Variants in CSMD2 observed in about 807,000 individuals in gnomAD.
CSMD2 encodes the protein CUB and Sushi multiple domains 2.
Under a neutral mutation model 398.5 loss-of-function variants are expected in CSMD2, and 130 were observed. The ratio of observed to expected loss-of-function variants is 0.33; its 90% CI spans 0.28 to 0.38. CSMD2 has a LOEUF of 0.38. CSMD2 is among the 10% of genes least tolerant of loss of function. CSMD2 has a pLI of 1.00. For synonymous variants in CSMD2, 1,828 were observed against 1,908.5 expected (o/e 0.96, Z 1.10); for missense variants, 3,829 against 4,764.9 (o/e 0.80, Z 5.78).
In CSMD2 at chr1:33,672,179, C is replaced by T. The variant is rs184075175; in HGVS notation, c.4053-9087G>A. On this transcript the variant is annotated intron_variant, in intron 25 of 70. Coordinates refer to ENST00000373381, the MANE Select transcript of CSMD2 (RefSeq NM_001281956.2). Reference sequence around the variant, plus strand: ...GCCGAAGCAGGGCGAGGCATCGCCTCACCTGGGAAGCACAAGGGGTCAGGA... The same window carrying T: ...GCCGAAGCAGGGCGAGGCATCGCCTTACCTGGGAAGCACAAGGGGTCAGGA... Among the ~76,000 whole-genome samples, 9 of 152,332 alleles carry T rather than the reference C, an allele frequency of 5.9e-5. No individual in the cohort carries two copies. In the East Asian group the frequency reaches 1.7e-3, roughly 29 times the overall value.
intron 6 of CSMD2, among the ~76,000 whole-genome samples, chr1:33,842,204 A>C (rs12239300): frequency 0.025 from 3,778 of 152,154 alleles, 182 homozygotes; most frequent in African/African-American, 0.086. Context: ...CTCCCACCAA[A>C]TCTAACTAGC....
intron 14 of CSMD2, among the ~76,000 whole-genome samples, chr1:33,741,649 C>T (rs1647072237): frequency 6.6e-6 from 1 of 152,184 alleles, no homozygotes; most frequent in Admixed American, 6.5e-5. Context: ...TGACCTCTCC[C>T]ATTTTTTGAG....
At chr1:33,984,465 T>C (rs962609642) in intron 3 of CSMD2, among the ~76,000 whole-genome samples, 6 of 152,188 alleles carry the variant, frequency 3.9e-5, no homozygotes, top group African/African-American at 1.2e-4. Context: ...TGTGAAGCTC[T>C]GGTTTCCAAA....
chr1:33,522,840 C>T (rs1305487459), intron 67 of CSMD2, among the ~76,000 whole-genome samples: 1 of 152,190 alleles, frequency 6.6e-6, no homozygotes, highest in Non-Finnish European at 1.5e-5. Context: ...AATGTCTTTT[C>T]CACAAGGGAA....
chr1:34,121,104 C>T (rs1002307542), intron 1 of CSMD2, among the ~76,000 whole-genome samples: 4 of 152,010 alleles, frequency 2.6e-5, no homozygotes, highest in Middle Eastern at 3.2e-3. Context: ...GAGTGTGTGC[C>T]TACATGAGGT....
Position 33,700,607 on chromosome 1 carries a change from C to T in CSMD2, c.3643G>A (p.Val1215Met). Residue 1215 changes from valine (V) to methionine (M), a missense_variant, in exon 23 of 71, where the codon GTG becomes ATG. Transcript: ENST00000373381. ...GVFSHSEMMG[V>M]TLNSTSSSLW... ...CTGCTGGATGTGCTGTTCAAAGTCA[C>T]CCCCATCATCTCAGAATGGCTAAAA... is the stretch of plus-strand genomic sequence containing the variant. 3 of 1,614,150 alleles carry T rather than the reference C, an allele frequency of 1.9e-6. No homozygotes were observed. Among genetic ancestry groups the T allele is most frequent in the Non-Finnish European group, 1.7e-6 (2 of 1,180,012 alleles).
chr1:33,967,804 T>C (rs56278326), intron 3 of CSMD2, among the ~76,000 whole-genome samples: 7,971 of 152,026 alleles, frequency 0.052, 310 homozygotes, highest in East Asian at 0.18. Flanking sequence ...CTCCAGTCTG[T>C]GAAGAAGAAC....
rs1165875494 is a variant in CSMD2, at chr1:33,524,930, C to T, written c.10348G>A (p.Val3450Ile). 5 of 1,614,102 alleles carry T rather than the reference C, an allele frequency of 3.1e-6. No homozygotes were observed. The African/African-American group carries it at 6.7e-5, about 22-fold the overall frequency. The change falls in exon 66 of 71, where the codon GTC becomes ATC. Residue 3450 changes from valine (V) to isoleucine (I), a missense_variant. By Grantham distance (29) the Val-to-Ile change is conservative. This residue lies in a region of CSMD2 where 917 missense variants were observed against 1,199.5 expected (regional missense o/e 0.76). Transcript: ENST00000373381. ...CTGTGGTCGATCATGGTGGCATTGA[C>T]CTTGCTGTTGGCAACTTGGAAGCCA... ...VTGFQVANSK[V>I]NATMIDHSGV...
intron 6 of CSMD2, among the ~76,000 whole-genome samples, chr1:33,833,796 C>T (rs1417037945): frequency 6.6e-6 from 1 of 152,166 alleles, no homozygotes; most frequent in Non-Finnish European, 1.5e-5. Flanking sequence ...TAAGGAACTT[C>T]AGCAGTCTCA....
At chr1:33,568,189 C>CTT (rs370507143) in intron 52 of CSMD2, among the ~76,000 whole-genome samples, 67,308 of 141,020 alleles carry the variant, frequency 0.48, 16,578 homozygotes, top group Admixed American at 0.62. Context: ...TCAGGAGCAT[C>CTT]TTTTTTTTTT....
At chr1:33,803,454 C>G (rs1409249730) in intron 10 of CSMD2, among the ~76,000 whole-genome samples, 2 of 152,220 alleles carry the variant, frequency 1.3e-5, no homozygotes, top group Non-Finnish European at 2.9e-5. Context: ...GCATGTTCCT[C>G]CATCTGTATT....
At chr1:34,120,948 AT>A (rs1350275160) in intron 1 of CSMD2, among the ~76,000 whole-genome samples, 2 of 151,908 alleles carry the variant, frequency 1.3e-5, no homozygotes, top group African/African-American at 2.4e-5. Context: ...TCTCTGCTTT[AT>A]TTTTTTTAGG....
intron 5 of CSMD2, among the ~76,000 whole-genome samples, chr1:33,889,816 AG>A (rs1641865285): frequency 6.6e-6 from 1 of 150,526 alleles, no homozygotes; most frequent in Non-Finnish European, 1.5e-5. Flanking sequence ...TGTAATGCCT[AG>A]GCTAATAGAC....
intron 1 of CSMD2, among the ~76,000 whole-genome samples, chr1:34,094,297 C>CA (rs1344414705): frequency 7.9e-5 from 12 of 152,172 alleles, no homozygotes; most frequent in African/African-American, 2.6e-4. Flanking sequence ...GCAGCCACTG[C>CA]AAAATCATGC....
intron 53 of CSMD2, among the ~76,000 whole-genome samples, chr1:33,561,163 G>C (rs4361959): frequency 0.11 from 17,428 of 152,210 alleles, 1,322 homozygotes; most frequent in African/African-American, 0.2. Flanking sequence ...CCAGTCCTTG[G>C]TGTGGCCAGA....
chr1:33,551,925 G>A (rs61801994), intron 55 of CSMD2, among the ~76,000 whole-genome samples: 5,756 of 152,274 alleles, frequency 0.038, 167 homozygotes, highest in Non-Finnish European at 0.063. Flanking sequence ...GAACTCATAT[G>A]AGGGGAGGGA....
At position 33,605,346 on chromosome 1, in the gene CSMD2, G is replaced by C. The variant is rs753453245; in HGVS notation, c.6468C>G (p.His2156Gln). 1.2e-5 allele frequency: 19 copies of C among 1,614,184 alleles called. No homozygotes were observed. The highest frequency in any genetic ancestry group is 1.6e-5 in the Non-Finnish European group (19 of 1,180,036). The change falls in exon 42 of 71, where the codon CAC (histidine) becomes CAG (glutamine). Residue 2156 changes from histidine to glutamine, a missense_variant. Physicochemically the swap from His to Gln is conservative, Grantham distance 24. Around this residue, in one of 5 missense-constraint regions of CSMD2, gnomAD observed 723 missense variants for 758.6 expected, o/e 0.95. Coordinates refer to ENST00000373381, the MANE Select transcript of CSMD2 (RefSeq NM_001281956.2). Reference protein sequence around the residue: ...ECLPGYQLTGHPVLTCQHGTN... With the variant: ...ECLPGYQLTGQPVLTCQHGTN... ...TGCCATGTTGACACGTGAGGACAGG[G>C]TGGCCAGTCAATTGATACCCCGGGA... is the stretch of plus-strand genomic sequence containing the variant.
At position 33,625,170 on chromosome 1, in the gene CSMD2, C is replaced by G. The variant is rs774941510; in HGVS notation, c.5381G>C (p.Gly1794Ala). 1.7e-5 allele frequency: 27 copies of G among 1,566,508 alleles called. No homozygotes were observed. Among genetic ancestry groups the G allele is most frequent in the Non-Finnish European group, 2.3e-5 (26 of 1,155,218 alleles). ...GKRLGSDFSV[G>A]AIVRFECNSG... is the part of the protein sequence containing the mutation. ...GTTGCATTCGAAGCGGACGATGGCCCCCACCGAGAAGTCACTGCCCAGCCT... is the reference window on the plus strand; with the variant it reads ...GTTGCATTCGAAGCGGACGATGGCCGCCACCGAGAAGTCACTGCCCAGCCT... The change falls in exon 34 of 71, where the codon GGG becomes GCG. Residue 1794 changes from glycine to alanine, a missense_variant. Gly to Ala is a moderately conservative substitution (Grantham distance 60). Coordinates refer to ENST00000373381, the MANE Select transcript of CSMD2 (RefSeq NM_001281956.2).
At chr1:34,038,911 C>T (rs1480649558) in intron 2 of CSMD2, among the ~76,000 whole-genome samples, 1 of 152,206 alleles carries the variant, frequency 6.6e-6, no homozygotes, top group African/African-American at 2.4e-5. Flanking sequence ...CCTTCGTACA[C>T]CTGTGGTTTC....
Sources: allele counts gnomAD v4.1 joint callset (sites outside exome capture counted in the v4.1 genomes callset), GRCh38; gene constraint gnomAD v4.1.1; regional missense constraint gnomAD v4.1.1; transcripts MANE v1.5; gene names NCBI Gene and HGNC (gene_info 2026-07-23, HGNC 2026-07-21).